The following TDRD6 variants were observed in gnomAD, a reference collection of about 807,000 sequenced individuals.
TDRD6 encodes tudor domain containing 6.
In TDRD6, 186 loss-of-function variants were observed where a neutral mutation model predicts 157.5. The ratio of observed to expected loss-of-function variants is 1.18; its 90% CI spans 1.05 to 1.33. The LOEUF is 1.33. Ranked by LOEUF, TDRD6 falls within the 40% of genes most tolerant of loss-of-function variation. The probability of loss-of-function intolerance (pLI) is 0.00; values close to 1 mark genes in which losing one functional copy is unlikely to be tolerated. For missense variants in TDRD6, 3,066 were observed against 2,508.0 expected (o/e 1.22, Z -4.75); for synonymous variants, 1,075 against 945.2 (o/e 1.14, Z -2.52).
chr6:46,688,497 C>A lies in TDRD6; in HGVS notation c.369C>A (p.Pro123=). The change falls in exon 1 of 4, where the codon CCC becomes CCA. Residue 123 remains proline (P), a synonymous_variant. Transcript: ENST00000316081. ...GGCGCAGAGAGTTCTTCAATTTGCC[C>A]TCGGAAGTGCTGGGCTGCGTGCTAG... ...APGRREFFNL[P]SEVLGCVLAG... 1 of 1,557,828 alleles carries A rather than the reference C, an allele frequency of 6.4e-7. No homozygotes were observed. Among genetic ancestry groups the A allele is most frequent in the East Asian group, 2.4e-5 (1 of 42,164 alleles).
intron 3 of TDRD6, chr6:46,700,934 C>T (rs1764608954): frequency 2.9e-6 from 1 of 348,940 alleles, no homozygotes; most frequent in South Asian, 2.2e-5. Context: ...GGTTCCATTT[C>T]TGATTTGAAT....
intron 2 of TDRD6, among the ~76,000 whole-genome samples, chr6:46,696,803 G>A (rs1273851130): frequency 6.7e-6 from 1 of 150,292 alleles, no homozygotes; most frequent in African/African-American, 2.5e-5. Context: ...AGTAGAGACG[G>A]GGTTTCACCT....
chr6:46,693,775 G>C lies in TDRD6; in HGVS notation c.5647G>C (p.Val1883Leu). The change falls in exon 1 of 4, where the codon GTC (valine) becomes CTC (leucine). Residue 1883 changes from valine to leucine, a missense_variant. Transcript: ENST00000316081. ...PPNVPLSQEC[V>L]TKGAMELFTL... Reference sequence around the variant, plus strand: ...GAATGTGCCACTCTCCCAAGAGTGTGTCACAAAAGGCGCCATGGAGCTATT... The same window carrying C: ...GAATGTGCCACTCTCCCAAGAGTGTCTCACAAAAGGCGCCATGGAGCTATT... 1 of 1,614,194 alleles carries C rather than the reference G, an allele frequency of 6.2e-7. No homozygotes were observed. The highest frequency in any genetic ancestry group is 1.1e-5 in the South Asian group (1 of 91,090).
rs1764663506 is a variant in TDRD6 at position 46,703,096 on chromosome 6, CTG to C, written c.*1211_*1212del. 1 of 151,898 alleles carries C rather than the reference CTG, an allele frequency of 6.6e-6. No individual in the cohort carries two copies. The highest frequency in any genetic ancestry group is 1.5e-5 in the Non-Finnish European group (1 of 67,926). 9.4% of individuals were successfully genotyped at this position (151,898 alleles called of 1,614,324 possible). Reference sequence around the variant, plus strand: ...ATCAGCATGCGCCACCAACAAAAGACTGTAAAAAACAAACAAACAAAAAAGTG... The same window carrying C: ...ATCAGCATGCGCCACCAACAAAAGACTAAAAAACAAACAAACAAAAAAGTG... On this transcript the variant is annotated 3_prime_UTR_variant, in exon 4 of 4. Transcript: ENST00000316081.
Position 46,688,246 on chromosome 6 carries a change from C to T in TDRD6, c.118C>T (p.Arg40Trp). Residue 40 changes from arginine to tryptophan, a missense_variant, in exon 1 of 4, where the codon CGG (arginine) becomes TGG (tryptophan). Physicochemically the swap from Arg to Trp is moderately radical, Grantham distance 101. Transcript: ENST00000316081. ...GCTGTGGGGGCTGGTGGGCGAGCGG[C>T]GGGGCGAGTACCTGCGGCTGAGCCG... ...VQLWGLVGER[R>W]GEYLRLSREI... 4 of 1,519,978 alleles carry T rather than the reference C, an allele frequency of 2.6e-6. No homozygotes were observed. The highest frequency in any genetic ancestry group is 3.5e-6 in the Non-Finnish European group (4 of 1,140,734). 94.2% of individuals were successfully genotyped at this position (1,519,978 alleles called of 1,614,324 possible).
At chr6:46,681,515 T>TG in the TDRD6 span, 1 of 470,900 alleles carries the variant, frequency 2.1e-6, no homozygotes, top group South Asian at 1.5e-5. Context: ...CCCCATACTT[T>TG]ACCCCCAACA....
In TDRD6 at chr6:46,688,760, GCTAT is replaced by G. The variant is rs1764201037; in HGVS notation, c.635_638del (p.Tyr212SerfsTer38). 1 of 1,604,762 alleles carries G rather than the reference GCTAT, an allele frequency of 6.2e-7. No homozygotes were observed. Among genetic ancestry groups the G allele is most frequent in the African/African-American group, 1.3e-5 (1 of 75,058 alleles). The stretch of plus-strand genomic sequence containing the variant: ...AGCCTCTTCCGTTCGCTGCTGGAGC[GCTAT>G]CTCACAGCGGCCACTGCTAGCGTGG... On this transcript the variant is annotated frameshift_variant, in exon 1 of 4. Coordinates refer to ENST00000316081, the MANE Select transcript of TDRD6 (RefSeq NM_001010870.3). LOFTEE classifies it high-confidence loss of function.
chr6:46,701,810 G>A, intron 3 of TDRD6, 48 bp from the exon 4 acceptor site: 1 of 1,602,734 alleles, frequency 6.2e-7, no homozygotes, highest in Non-Finnish European at 8.5e-7. Flanking sequence ...AAATTTTTTT[G>A]TTTGTATGTT....
In TDRD6 at chr6:46,696,821, G is replaced by A. The variant is rs894471241; in HGVS notation, c.6171+876G>A. The stretch of plus-strand genomic sequence containing the variant: ...AGAGACGGGGTTTCACCTTGTTAGC[G>A]AGGATGGTCTCGATCTCCTGACCTT... On this transcript the variant is annotated intron_variant, in intron 2 of 3. Coordinates refer to ENST00000316081, the MANE Select transcript of TDRD6 (RefSeq NM_001010870.3). Among the ~76,000 whole-genome samples the A allele has an allele frequency of 4.0e-5, 6 of 150,526 alleles. No homozygotes were observed. In the South Asian group the frequency reaches 6.4e-4, roughly 16 times the overall value.
In TDRD6 at chr6:46,692,197, G is replaced by A. The variant is rs1214999515; in HGVS notation, c.4069G>A (p.Asp1357Asn). Residue 1357 changes from aspartate to asparagine, a missense_variant, in exon 1 of 4, where the codon GAT becomes AAT. Physicochemically the swap from Asp to Asn is conservative, Grantham distance 23. Coordinates refer to ENST00000316081, the MANE Select transcript of TDRD6 (RefSeq NM_001010870.3). The stretch of plus-strand genomic sequence containing the variant: ...TGTAGGTCCACCTTTGCAAAGAGGA[G>A]ATATGATATGTGCTGTTTTCCCAGA... ...YYVGPPLQRG[D>N]MICAVFPEDN... 2 of 1,614,034 alleles carry A rather than the reference G, an allele frequency of 1.2e-6. No homozygotes were observed. Among genetic ancestry groups the A allele is most frequent in the Non-Finnish European group, 1.7e-6 (2 of 1,180,004 alleles).
rs1227667045 is a variant in TDRD6, at chr6:46,703,937, C to T, written c.*2050C>T. ...TTACCAATTTAATCCACTGCCTTTG[C>T]CTCATCTCTAATATTCTTAACCCTT... On this transcript the variant is annotated 3_prime_UTR_variant, in exon 4 of 4. Transcript: ENST00000316081. 3 of 152,246 alleles carry T rather than the reference C, an allele frequency of 2.0e-5. No homozygotes were observed. Among genetic ancestry groups the T allele is most frequent in the African/African-American group, 4.8e-5 (2 of 41,396 alleles). The allele number at this position is 152,246 out of a possible 1,614,324, so 9.4% of individuals were successfully genotyped here. A position where few individuals can be genotyped will look rare whatever the true frequency, so the allele number is the denominator to read the frequency against.
chr6:46,696,879 G>A (rs1460041035), intron 2 of TDRD6, among the ~76,000 whole-genome samples: 1 of 151,654 alleles, frequency 6.6e-6, no homozygotes, highest in Non-Finnish European at 1.5e-5. Context: ...CCAAAGTGCT[G>A]GGATTACAGG....
intron 3 of TDRD6, among the ~76,000 whole-genome samples, chr6:46,698,851 ACAG>A (rs1047997864): frequency 2.0e-5 from 3 of 152,348 alleles, no homozygotes; most frequent in African/African-American, 7.2e-5. Context: ...AGTTTTTGTT[ACAG>A]CAGATGATCA....
At chr6:46,695,641 TGGGG>T (rs548420790) in intron 1 of TDRD6, among the ~76,000 whole-genome samples, 176 bp from the exon 2 acceptor site, 2 of 152,016 alleles carry the variant, frequency 1.3e-5, no homozygotes, top group Non-Finnish European at 2.9e-5. Context: ...AGAGATTATA[TGGGG>T]GGGCGGGCAC....
rs368732232 is a variant in TDRD6 at position 46,690,795 on chromosome 6, A to G, written c.2667A>G (p.Gln889=). ...AFRCSLYNLI[Q]PVGQNPFVWD... is the part of the protein sequence containing the mutation. ...GGTGCAGTCTTTATAATTTAATTCA[A>G]CCAGTTGGCCAGAATCCCTTTGTTT... The change falls in exon 1 of 4, where the codon CAA becomes CAG. Residue 889 remains glutamine (Q), a synonymous_variant. Transcript: ENST00000316081. 4 of 1,614,006 alleles carry G rather than the reference A, an allele frequency of 2.5e-6. No homozygotes were observed. Among genetic ancestry groups the G allele is most frequent in the South Asian group, 2.2e-5 (2 of 91,084 alleles).
chr6:46,688,085 C>T lies in TDRD6; in HGVS notation c.-44C>T, dbSNP rs1764155162. The T allele has an allele frequency of 7.0e-7, 1 of 1,435,938 alleles. No homozygotes were observed. 88.9% of individuals were successfully genotyped at this position (1,435,938 alleles called of 1,614,324 possible). ...CGGAGGATTTCGAGGCCCTGAGGCGCGGCCCTTAATTTCCGGAAGTGGGGG... is the reference window on the plus strand; with the variant it reads ...CGGAGGATTTCGAGGCCCTGAGGCGTGGCCCTTAATTTCCGGAAGTGGGGG... On this transcript the variant is annotated 5_prime_UTR_variant, in exon 1 of 4. Transcript: ENST00000316081.
chr6:46,691,324 G>A lies in TDRD6; in HGVS notation c.3196G>A (p.Asp1066Asn). Residue 1066 changes from aspartate (D) to asparagine (N), a missense_variant, in exon 1 of 4, where the codon GAT becomes AAT. Coordinates refer to ENST00000316081, the MANE Select transcript of TDRD6 (RefSeq NM_001010870.3). ...AGAGCCAAAGAAAGTCTTCTTTGTT[G>A]ATTTTGGGAATATTTATGTAGTAAC... is the stretch of plus-strand genomic sequence containing the variant. ...EKEPKKVFFV[D>N]FGNIYVVTSD... The A allele has an allele frequency of 6.2e-7, 1 of 1,614,058 alleles. No individual in the cohort carries two copies. Among genetic ancestry groups the A allele is most frequent in the Non-Finnish European group, 8.5e-7 (1 of 1,179,956 alleles).
rs915202794 is a variant in TDRD6, at chr6:46,687,890, C to T, written c.-239C>T. On this transcript the variant is annotated 5_prime_UTR_variant, in exon 1 of 4. Transcript: ENST00000316081. Reference sequence around the variant, plus strand: ...GCGCCGAGTGAGGTAAATGCGTGCCCGGAAGCGCGACCTCGGGCGGTTGGA... The same window carrying T: ...GCGCCGAGTGAGGTAAATGCGTGCCTGGAAGCGCGACCTCGGGCGGTTGGA... The T allele has an allele frequency of 3.7e-6, 2 of 536,092 alleles. No individual in the cohort carries two copies. The highest frequency in any genetic ancestry group is 6.1e-6 in the Non-Finnish European group (2 of 327,422). The allele number at this position is 536,092 out of a possible 1,614,324, so 33.2% of individuals were successfully genotyped here.
In TDRD6 at chr6:46,689,380, G is replaced by A. The variant is rs756852489; in HGVS notation, c.1252G>A (p.Val418Met). 2.7e-5 allele frequency: 44 copies of A among 1,613,842 alleles called. No homozygotes were observed. The highest frequency in any genetic ancestry group is 3.7e-5 in the Non-Finnish European group (44 of 1,180,044). ...KIEFYCSFEH[V>M]YYVSLYGEDG... ...TGAATTTTATTGCTCCTTTGAGCAT[G>A]TGTATTATGTCAGCCTGTATGGAGA... is the stretch of plus-strand genomic sequence containing the variant. Residue 418 changes from valine (V) to methionine (M), a missense_variant, in exon 1 of 4, where the codon GTG (valine) becomes ATG (methionine). By Grantham distance (21) the Val-to-Met change is conservative. Transcript: ENST00000316081.
Sources: gnomAD v4.1 joint callset for allele counts (sites outside exome capture counted in the v4.1 genomes callset) on GRCh38, gnomAD v4.1.1 for gene constraint, MANE v1.5 for transcripts, NCBI Gene and HGNC (gene_info 2026-07-23, HGNC 2026-07-21) for gene names.